The following CLSTN2 variants were observed in gnomAD, a reference collection of about 807,000 sequenced individuals.
The protein encoded by CLSTN2 is calsyntenin 2.
Under a neutral mutation model 101.2 loss-of-function variants are expected in CLSTN2, and 48 were observed. The ratio of observed to expected loss-of-function variants is 0.47; its 90% CI spans 0.38 to 0.60. CLSTN2 has a LOEUF of 0.60. Ranked by LOEUF, CLSTN2 falls within the 20% of genes least tolerant of loss-of-function variation. CLSTN2 has a pLI of 0.00. For synonymous variants in CLSTN2, 481 were observed against 463.6 expected (o/e 1.04, Z -0.48); for missense variants, 1,160 against 1,238.2 (o/e 0.94, Z 0.95).
At chr3:140,233,020 T>C (rs1275235868) in intron 2 of CLSTN2, among the ~76,000 whole-genome samples, 1 of 152,106 alleles carries the variant, frequency 6.6e-6, no homozygotes, top group South Asian at 2.1e-4. Flanking sequence ...AAAAGAGAAA[T>C]GCAGATGTAA....
intron 8 of CLSTN2, among the ~76,000 whole-genome samples, chr3:140,530,449 A>C (rs548484494): frequency 1.3e-5 from 2 of 152,252 alleles, no homozygotes; most frequent in Non-Finnish European, 2.9e-5. Context: ...TCAATCTAGC[A>C]TACTTTGGAA....
intron 4 of CLSTN2, among the ~76,000 whole-genome samples, chr3:140,415,486 C>CAAAAAAAA (rs751616049): frequency 0.01 from 578 of 56,754 alleles, 1 homozygote; most frequent in Middle Eastern, 0.025. Flanking sequence ...CACAAAATAG[C>CAAAAAAAA]AAAAAAAAAA....
At chr3:140,277,908 T>C (rs1345911807) in intron 2 of CLSTN2, among the ~76,000 whole-genome samples, 1 of 152,234 alleles carries the variant, frequency 6.6e-6, no homozygotes, top group Admixed American at 6.5e-5. Context: ...AATAATTCTT[T>C]GTTGGCTGTG....
intron 1 of CLSTN2, among the ~76,000 whole-genome samples, chr3:140,165,812 T>G (rs180901253): frequency 6.6e-6 from 1 of 152,324 alleles, no homozygotes; most frequent in African/African-American, 2.4e-5. Flanking sequence ...ATAATAATTA[T>G]AGTTAGAAAT....
intron 1 of CLSTN2, among the ~76,000 whole-genome samples, chr3:139,975,840 G>A (rs1234831267): frequency 6.6e-6 from 1 of 152,156 alleles, no homozygotes; most frequent in Non-Finnish European, 1.5e-5. Flanking sequence ...CCACAACACA[G>A]GAGCTGCCAC....
intron 1 of CLSTN2, among the ~76,000 whole-genome samples, chr3:140,152,871 A>G (rs2009888860): frequency 6.6e-6 from 1 of 152,210 alleles, no homozygotes. Context: ...ATGCTTCATA[A>G]TCCAATAAAT....
chr3:139,985,974 C>G (rs1460170463), intron 1 of CLSTN2, among the ~76,000 whole-genome samples: 1 of 152,122 alleles, frequency 6.6e-6, no homozygotes, highest in African/African-American at 2.4e-5. Context: ...GGCTGCTACA[C>G]TCGACATGGC....
intron 2 of CLSTN2, among the ~76,000 whole-genome samples, chr3:140,377,524 CT>C (rs1187952120): frequency 6.6e-6 from 1 of 152,050 alleles, no homozygotes; most frequent in Non-Finnish European, 1.5e-5. Flanking sequence ...GATTCTGACC[CT>C]GTGTAGGCCT....
chr3:140,185,115 A>G (rs907025232), intron 2 of CLSTN2, among the ~76,000 whole-genome samples: 1 of 152,010 alleles, frequency 6.6e-6, no homozygotes, highest in African/African-American at 2.4e-5. Context: ...TTTCATCATC[A>G]TTTGGTTTTA....
chr3:140,476,801 G>T (rs1012503268), intron 8 of CLSTN2, among the ~76,000 whole-genome samples: 1 of 152,048 alleles, frequency 6.6e-6, no homozygotes. Context: ...TGGGACTACA[G>T]GTGCCTGCCA....
At position 140,167,716 on chromosome 3, in the gene CLSTN2, C is replaced by G. The variant is rs2010155950; in HGVS notation, c.110-8235C>G. ...CCCTTCACAATCAAATCCCACCCCA[C>G]CCCAAACCCTAGCCACTACTGATCT... On this transcript the variant is annotated intron_variant, in intron 1 of 16. Transcript: ENST00000458420. Among the ~76,000 whole-genome samples the G allele has an allele frequency of 3.3e-5, 5 of 152,176 alleles. No individual in the cohort carries two copies. In the South Asian group the frequency reaches 1.0e-3, roughly 32 times the overall value.
At chr3:140,502,253 A>T (rs1934592526) in intron 8 of CLSTN2, among the ~76,000 whole-genome samples, 1 of 152,196 alleles carries the variant, frequency 6.6e-6, no homozygotes, top group Admixed American at 6.5e-5. Context: ...CTGAAAGTCA[A>T]CTAATTCTAC....
chr3:140,490,024 G>A (rs1480991203), intron 8 of CLSTN2, among the ~76,000 whole-genome samples: 5 of 302 alleles, frequency 0.017, no homozygotes, highest in East Asian at 0.12. Flanking sequence ...GTGTGTGTGT[G>A]TGTGTGTGTG....
intron 2 of CLSTN2, among the ~76,000 whole-genome samples, chr3:140,189,728 T>G (rs2010532777): frequency 6.6e-6 from 1 of 152,212 alleles, no homozygotes; most frequent in African/African-American, 2.4e-5. Flanking sequence ...GTAAAACCTG[T>G]ACAGTTAGGT....
rs78760037 is a variant in CLSTN2 at position 140,146,558 on chromosome 3, G to A, written c.110-29393G>A. Reference sequence around the variant, plus strand: ...AATAAAGCAGGTAGGTAATTCAGAGGAAGCTCATCTTGGGTGCAAGAAAAA... The same window carrying A: ...AATAAAGCAGGTAGGTAATTCAGAGAAAGCTCATCTTGGGTGCAAGAAAAA... On this transcript the variant is annotated intron_variant, in intron 1 of 16. Coordinates refer to ENST00000458420, the MANE Select transcript of CLSTN2 (RefSeq NM_022131.3). Among the ~76,000 whole-genome samples the A allele has an allele frequency of 6.8e-4, 104 of 152,344 alleles. No individual in the cohort carries two copies. In the East Asian group the frequency reaches 0.017, roughly 25 times the overall value.
chr3:140,056,104 C>T (rs16849758), intron 1 of CLSTN2, among the ~76,000 whole-genome samples: 2,738 of 152,168 alleles, frequency 0.018, 81 homozygotes, highest in African/African-American at 0.062. Context: ...ACGGTTTGTT[C>T]GCTGGGAAGC....
At chr3:140,489,904 A>G (rs1022150917) in intron 8 of CLSTN2, among the ~76,000 whole-genome samples, 1 of 150,702 alleles carries the variant, frequency 6.6e-6, no homozygotes, top group Non-Finnish European at 1.5e-5. Context: ...TGCCAGAGAA[A>G]TAGTGCGTCT....
chr3:140,182,303 TA>T (rs1013736890), intron 2 of CLSTN2, among the ~76,000 whole-genome samples: 29 of 151,134 alleles, frequency 1.9e-4, no homozygotes, highest in African/African-American at 6.5e-4. Flanking sequence ...AACACCAAAT[TA>T]AAAAAAAAGT....
intron 2 of CLSTN2, among the ~76,000 whole-genome samples, chr3:140,245,874 TGCCTTAGAGTGTGGCCCATGCTCTA>T (rs973267623): frequency 3.3e-5 from 5 of 152,222 alleles, no homozygotes; most frequent in African/African-American, 1.2e-4. Flanking sequence ...TGAGGAAGAA[TGCCTTAGAGTGTGGCCCATGCTCTA>T]GCCTGCATGG....
Sources: gnomAD v4.1 joint callset for allele counts (sites outside exome capture counted in the v4.1 genomes callset) on GRCh38, gnomAD v4.1.1 for gene constraint, MANE v1.5 for transcripts, NCBI Gene and HGNC (gene_info 2026-07-23, HGNC 2026-07-21) for gene names.